Variants in MAP7 observed in about 807,000 individuals in gnomAD.
MAP7 encodes the protein ensconsin.
MAP7 carries 52 observed loss-of-function variants against 94.8 expected under a neutral mutation model. The observed-to-expected ratio is 0.55, with a 90% CI of 0.44 to 0.69. The LOEUF (loss-of-function observed/expected upper bound fraction) is 0.69. Among genes scored for constraint, MAP7 ranks in the 30% least tolerant of loss-of-function variants. The probability of loss-of-function intolerance (pLI) is 0.00; values close to 1 mark genes in which losing one functional copy is unlikely to be tolerated. For synonymous variants in MAP7, 350 were observed against 357.0 expected, an observed-to-expected ratio of 0.98 and a Z score of 0.22; for missense variants, 940 against 964.6, an observed-to-expected ratio of 0.97 and a Z score of 0.34.
rs141024990 is a variant in MAP7 at position 136,484,323 on chromosome 6, AT to A, written c.68-62525del. Among the ~76,000 whole-genome samples, 790 of 152,330 alleles carry A rather than the reference AT, an allele frequency of 5.2e-3. 2 individuals are homozygous for A. Among genetic ancestry groups the A allele is most frequent in the African/African-American group, 0.018 (760 of 41,580 alleles). ...TCTTATTAAATAGTAAAGTATAGTA[AT>A]TTTGAATTATGGAGTAAAGGCTACT... On this transcript the variant is annotated intron_variant, in intron 1 of 17. Coordinates refer to ENST00000354570, the MANE Select transcript of MAP7 (RefSeq NM_003980.6).
intron 1 of MAP7, among the ~76,000 whole-genome samples, chr6:136,512,173 T>A (rs1436735292): frequency 9.2e-5 from 14 of 152,202 alleles, no homozygotes. Context: ...ACAGACTACC[T>A]CTCCAGCTAT....
At chr6:136,371,618 C>T (rs1292299589) in intron 8 of MAP7, among the ~76,000 whole-genome samples, 4 of 152,146 alleles carry the variant, frequency 2.6e-5, no homozygotes, top group Non-Finnish European at 4.4e-5. Flanking sequence ...TGGGAAGTTA[C>T]GATTTTAAGA....
intron 9 of MAP7, 112 bp downstream of exon 9, chr6:136,366,215 T>C (rs1278343048): frequency 1.9e-6 from 2 of 1,071,472 alleles, no homozygotes; most frequent in Non-Finnish European, 2.8e-6. Context: ...GGAAGAATGC[T>C]ATTCCCTAAG....
At chr6:136,495,336 G>A (rs1254876101) in intron 1 of MAP7, among the ~76,000 whole-genome samples, 1 of 152,144 alleles carries the variant, frequency 6.6e-6, no homozygotes, top group Non-Finnish European at 1.5e-5. Context: ...AGGTGATTGT[G>A]TGTGGACCGT....
intron 1 of MAP7, among the ~76,000 whole-genome samples, chr6:136,445,111 A>G (rs748508693): frequency 6.6e-6 from 1 of 152,174 alleles, no homozygotes; most frequent in African/African-American, 2.4e-5. Context: ...CATTATGCCA[A>G]TTTGGCATAT....
intron 1 of MAP7, among the ~76,000 whole-genome samples, chr6:136,523,398 A>G (rs1826956366): frequency 6.6e-6 from 1 of 152,178 alleles, no homozygotes; most frequent in East Asian, 1.9e-4. Context: ...TATTTAACTA[A>G]AATTTTGTTT....
intron 1 of MAP7, among the ~76,000 whole-genome samples, chr6:136,443,246 G>C (rs1004028248): frequency 2.6e-5 from 4 of 152,056 alleles, no homozygotes; most frequent in Admixed American, 2.6e-4. Flanking sequence ...CTTTAGGTTT[G>C]TCGTAATTAA....
intron 3 of MAP7, among the ~76,000 whole-genome samples, chr6:136,402,678 C>T (rs188200363): frequency 4.6e-5 from 7 of 151,266 alleles, no homozygotes; most frequent in East Asian, 1.9e-4. Flanking sequence ...AGGCCGAGGC[C>T]GGCGGATCAC....
chr6:136,495,499 C>T (rs1004368173), intron 1 of MAP7, among the ~76,000 whole-genome samples: 7 of 152,002 alleles, frequency 4.6e-5, no homozygotes, highest in Non-Finnish European at 8.8e-5. Context: ...CACACACACA[C>T]GTAGAGCATA....
At chr6:136,374,549 A>T (rs1465879127) in intron 7 of MAP7, among the ~76,000 whole-genome samples, 2 of 152,236 alleles carry the variant, frequency 1.3e-5, no homozygotes, top group African/African-American at 2.4e-5. Flanking sequence ...ACACTGAAAA[A>T]GGAATGAAGT....
intron 1 of MAP7, among the ~76,000 whole-genome samples, chr6:136,433,813 G>A (rs1562395366): frequency 6.6e-6 from 1 of 152,162 alleles, no homozygotes; most frequent in Non-Finnish European, 1.5e-5. Flanking sequence ...CAAAAGGGTG[G>A]AAGAACACTT....
chr6:136,357,829 GCACAAAT>G (rs1199055240), intron 15 of MAP7, among the ~76,000 whole-genome samples: 2 of 152,146 alleles, frequency 1.3e-5, no homozygotes, highest in African/African-American at 4.8e-5. Flanking sequence ...TTACAACCTG[GCACAAAT>G]TCAATAAAGC....
chr6:136,453,600 T>C (rs563829119), intron 1 of MAP7, among the ~76,000 whole-genome samples: 1 of 152,236 alleles, frequency 6.6e-6, no homozygotes, highest in Non-Finnish European at 1.5e-5. Context: ...TTAGAATACA[T>C]GTCAGAATAG....
At chr6:136,395,301 T>A (rs1323282451) in intron 3 of MAP7, among the ~76,000 whole-genome samples, 2 of 152,050 alleles carry the variant, frequency 1.3e-5, no homozygotes, top group Admixed American at 1.3e-4. Flanking sequence ...TTGATTTGCA[T>A]TTCCCTGATA....
chr6:136,507,259 T>C (rs1308918877), intron 1 of MAP7, among the ~76,000 whole-genome samples: 1 of 151,820 alleles, frequency 6.6e-6, no homozygotes, highest in East Asian at 1.9e-4. Flanking sequence ...ATACCTCATG[T>C]GAATTTAATG....
At chr6:136,416,142 C>A (rs1562375749) in intron 2 of MAP7, among the ~76,000 whole-genome samples, 1 of 152,142 alleles carries the variant, frequency 6.6e-6, no homozygotes, top group Non-Finnish European at 1.5e-5. Flanking sequence ...ATTCTCAATT[C>A]CTCGGGCTGT....
chr6:136,350,895 G>A (rs896866938), intron 16 of MAP7, among the ~76,000 whole-genome samples: 8 of 152,208 alleles, frequency 5.3e-5, no homozygotes, highest in Non-Finnish European at 1.2e-4. Flanking sequence ...ACAGGAATAA[G>A]CAAGCCCTTC....
chr6:136,393,417 C>T (rs546815056), intron 3 of MAP7, among the ~76,000 whole-genome samples: 1 of 152,272 alleles, frequency 6.6e-6, no homozygotes, highest in South Asian at 2.1e-4. Flanking sequence ...GATTCCAGAG[C>T]TCCACCTCTC....
At chr6:136,412,662 A>AGTGAGATGAGTAAGCGACGG (rs1787863563) in intron 2 of MAP7, among the ~76,000 whole-genome samples, 1 of 152,182 alleles carries the variant, frequency 6.6e-6, no homozygotes. Flanking sequence ...ACTGGAACAG[A>AGTGAGATGAGTAAGCGACGG]GTGAGATGAG....
Sources: allele counts gnomAD v4.1 joint callset (sites outside exome capture counted in the v4.1 genomes callset), GRCh38; gene constraint gnomAD v4.1.1; transcripts MANE v1.5; gene names NCBI Gene and HGNC (gene_info 2026-07-23, HGNC 2026-07-21).